Variants in MRTFA observed in about 807,000 individuals in gnomAD.
The protein encoded by MRTFA is myocardin related transcription factor A.
In MRTFA, 20 loss-of-function variants were observed where a neutral mutation model predicts 83.5. That is an observed-to-expected ratio of 0.24 (90% CI 0.17 to 0.35). The LOEUF (loss-of-function observed/expected upper bound fraction) is 0.35. Among genes scored for constraint, MRTFA ranks in the 10% least tolerant of loss-of-function variants. The pLI is 1.00. For missense variants in MRTFA, 1,200 were observed against 1,224.7 expected, an observed-to-expected ratio of 0.98 and a Z score of 0.30; for synonymous variants, 659 against 541.2, an observed-to-expected ratio of 1.22 and a Z score of -3.02.
At chr22:40,511,489 T>A (rs185378526) in intron 3 of MRTFA, among the ~76,000 whole-genome samples, 3 of 152,332 alleles carry the variant, frequency 2.0e-5, no homozygotes, top group Non-Finnish European at 4.4e-5. Flanking sequence ...TATACACGTA[T>A]CACATGTGAA....
At chr22:40,482,689 T>C (rs929383299) in intron 3 of MRTFA, among the ~76,000 whole-genome samples, 1 of 152,042 alleles carries the variant, frequency 6.6e-6, no homozygotes, top group African/African-American at 2.4e-5. Context: ...ACTGAGAAAA[T>C]ATGGGCAGCC....
In MRTFA at chr22:40,411,093, A is replaced by G; in HGVS notation, c.*297T>C. 3.2e-6 allele frequency: 1 copy of G among 311,858 alleles called. No homozygotes were observed. The highest frequency in any genetic ancestry group is 5.9e-6 in the Non-Finnish European group (1 of 169,814). 19.3% of individuals were successfully genotyped at this position (311,858 alleles called of 1,614,324 possible). A position where few individuals can be genotyped will look rare whatever the true frequency, so the allele number is the denominator to read the frequency against. ...TTAGCCAAATTGTAGCCAGACAGAC[A>G]GTGCCCCCTGACCTCAAAAAAGGAG... On this transcript the variant is annotated 3_prime_UTR_variant, in exon 15 of 15. Coordinates refer to ENST00000355630, the MANE Select transcript of MRTFA (RefSeq NM_020831.6).
At chr22:40,458,663 A>G (rs2053639154) in intron 4 of MRTFA, among the ~76,000 whole-genome samples, 1 of 152,160 alleles carries the variant, frequency 6.6e-6, no homozygotes, top group South Asian at 2.1e-4. Context: ...GATAAAAGAT[A>G]TCAACCAGAA....
chr22:40,502,180 C>T (rs1335748369), intron 3 of MRTFA, among the ~76,000 whole-genome samples: 34 of 144,448 alleles, frequency 2.4e-4, no homozygotes, highest in Admixed American at 6.7e-5. Flanking sequence ...ACCTCCCTCC[C>T]GGACGGGGTG....
Position 40,537,128 on chromosome 22 carries a change from C to T in MRTFA, c.241+14978G>A, listed in dbSNP as rs1279880460. 1.5e-4 allele frequency among the ~76,000 whole-genome samples: 8 copies of T among 54,458 alleles called. 1 individual carries two copies. In the East Asian group the frequency reaches 9.2e-3, roughly 62 times the overall value. 35.7% of individuals were successfully genotyped at this position (54,458 alleles called of 152,430 possible). On this transcript the variant is annotated intron_variant, in intron 3 of 14. Transcript: ENST00000355630. ...GAGGGAGGTGGGGGGGTCAGCCCCC[C>T]GCCCGGCCAGCCGCCACGTCCGGGA...
intron 3 of MRTFA, among the ~76,000 whole-genome samples, chr22:40,543,503 A>G (rs978515634): frequency 7.2e-5 from 11 of 152,168 alleles, no homozygotes; most frequent in African/African-American, 2.7e-4. Flanking sequence ...AGCTCTTCCA[A>G]TCCTATCCAG....
chr22:40,418,979 G>C lies in MRTFA; in HGVS notation c.1759C>G (p.Leu587Val), dbSNP rs1409614083. 6.2e-7 allele frequency: 1 copy of C among 1,612,864 alleles called. No homozygotes were observed. Among genetic ancestry groups the C allele is most frequent in the Non-Finnish European group, 8.5e-7 (1 of 1,179,924 alleles). The change falls in exon 12 of 15, where the codon CTG becomes GTG. Residue 587 changes from leucine (L) to valine (V), a missense_variant. Physicochemically the swap from Leu to Val is conservative, Grantham distance 32. Coordinates refer to ENST00000355630, the MANE Select transcript of MRTFA (RefSeq NM_020831.6). ...TGCAGTGGCGAGGCCTGCAGGGTCA[G>C]CTGCGTCAGAGGTGATGTCACCATC...
chr22:40,576,862 C>A (rs758964277), intron 2 of MRTFA, among the ~76,000 whole-genome samples: 31 of 152,268 alleles, frequency 2.0e-4, no homozygotes, highest in Middle Eastern at 3.4e-3. Context: ...AGAATGATGG[C>A]CTGAGCCCAG....
intron 1 of MRTFA, among the ~76,000 whole-genome samples, chr22:40,620,335 G>T (rs1231955302): frequency 6.6e-6 from 1 of 151,584 alleles, no homozygotes; most frequent in Admixed American, 6.6e-5. Context: ...TGTTGGTCAG[G>T]CTGGTCTCGA....
chr22:40,519,248 C>T (rs1339498900), intron 3 of MRTFA, among the ~76,000 whole-genome samples: 2 of 151,882 alleles, frequency 1.3e-5, no homozygotes, highest in African/African-American at 4.8e-5. Context: ...TGGTGGGACC[C>T]GAAAAATGAG....
intron 3 of MRTFA, among the ~76,000 whole-genome samples, chr22:40,512,006 C>T (rs761135315): frequency 3.9e-5 from 6 of 152,110 alleles, no homozygotes; most frequent in East Asian, 1.9e-4. Context: ...TAGTACAGAA[C>T]GAGGAGGGAA....
chr22:40,418,988 G>T lies in MRTFA; in HGVS notation c.1750C>A (p.Leu584Met). 6.2e-7 allele frequency: 1 copy of T among 1,612,900 alleles called. No individual in the cohort carries two copies. Among genetic ancestry groups the T allele is most frequent in the East Asian group, 2.2e-5 (1 of 44,872 alleles). Reference sequence around the variant, plus strand: ...GAGGCCTGCAGGGTCAGCTGCGTCAGAGGTGATGTCACCATCTCACCAAAG... The same window carrying T: ...GAGGCCTGCAGGGTCAGCTGCGTCATAGGTGATGTCACCATCTCACCAAAG... The change falls in exon 12 of 15, where the codon CTG (leucine) becomes ATG (methionine). Residue 584 changes from leucine (L) to methionine (M), a missense_variant. This residue lies in a region of MRTFA where 1,107 missense variants were observed against 1,041.8 expected (regional missense o/e 1.06). Coordinates refer to ENST00000355630, the MANE Select transcript of MRTFA (RefSeq NM_020831.6).
chr22:40,617,671 G>C (rs1602500597), intron 1 of MRTFA, among the ~76,000 whole-genome samples: 1 of 145,986 alleles, frequency 6.8e-6, no homozygotes, highest in Admixed American at 6.8e-5. Flanking sequence ...AGCTTGCAGT[G>C]AGCCGAGATC....
chr22:40,576,098 G>A (rs1463374098), intron 2 of MRTFA, among the ~76,000 whole-genome samples: 5 of 145,516 alleles, frequency 3.4e-5, no homozygotes, highest in African/African-American at 5.1e-5. Flanking sequence ...GCATGATCTC[G>A]GCTCACTGCA....
chr22:40,439,272 G>A (rs1271347545), intron 4 of MRTFA, among the ~76,000 whole-genome samples: 1 of 152,102 alleles, frequency 6.6e-6, no homozygotes, highest in East Asian at 1.9e-4. Context: ...GGAGGCTGAG[G>A]CAGGTCTATC....
intron 3 of MRTFA, among the ~76,000 whole-genome samples, chr22:40,542,084 C>CT (rs1294933587): frequency 1.3e-5 from 2 of 152,212 alleles, no homozygotes; most frequent in Non-Finnish European, 2.9e-5. Flanking sequence ...CTCATTCATA[C>CT]TTTATGTCTG....
intron 3 of MRTFA, among the ~76,000 whole-genome samples, chr22:40,533,120 G>C (rs546017487): frequency 6.6e-6 from 1 of 152,046 alleles, no homozygotes; most frequent in South Asian, 2.1e-4. Flanking sequence ...TGTTATTAAG[G>C]GCATTTCCAC....
chr22:40,461,741 G>A (rs1334524242), intron 4 of MRTFA, among the ~76,000 whole-genome samples: 1 of 151,906 alleles, frequency 6.6e-6, no homozygotes, highest in Non-Finnish European at 1.5e-5. Flanking sequence ...GGAGCTTGCA[G>A]TGAGCCCAGA....
intron 2 of MRTFA, chr22:40,587,451 G>T: frequency 2.9e-6 from 1 of 343,350 alleles, no homozygotes; most frequent in Non-Finnish European, 5.6e-6. Context: ...CTCATTTGCT[G>T]AGAGGCATAG....
Sources: allele counts gnomAD v4.1 joint callset (sites outside exome capture counted in the v4.1 genomes callset), GRCh38; gene constraint gnomAD v4.1.1; regional missense constraint gnomAD v4.1.1; transcripts MANE v1.5; gene names NCBI Gene and HGNC (gene_info 2026-07-23, HGNC 2026-07-21).